The following DDAH1 variants were observed in gnomAD, a reference collection of about 807,000 sequenced individuals.
DDAH1 encodes the protein N(G),N(G)-dimethylarginine dimethylaminohydrolase 1.
Under a neutral mutation model 28.8 loss-of-function variants are expected in DDAH1, and 19 were observed. That is an observed-to-expected ratio of 0.66 (90% confidence interval 0.46 to 0.97). The LOEUF (loss-of-function observed/expected upper bound fraction) is 0.97. DDAH1 is among the 50% of genes least tolerant of loss of function. DDAH1 has a pLI of 0.00. For synonymous variants in DDAH1, 153 were observed against 154.4 expected (o/e 0.99, Z 0.07); for missense variants, 326 against 375.9 (o/e 0.87, Z 1.10).
intron 1 of DDAH1, 50 bp from the exon 2 acceptor site, chr1:85,358,897 GAA>G: frequency 7.2e-7 from 1 of 1,381,028 alleles, no homozygotes; most frequent in East Asian, 2.3e-5. Flanking sequence ...TTCCTAACAA[GAA>G]AAAAACATCC....
At chr1:85,377,448 G>A (rs1290063035) in intron 1 of DDAH1, among the ~76,000 whole-genome samples, 1 of 152,018 alleles carries the variant, frequency 6.6e-6, no homozygotes, top group Admixed American at 6.6e-5. Flanking sequence ...GGAGCCATCT[G>A]CCATCTAACC....
chr1:85,462,063 G>A (rs1412780998), intron 1 of DDAH1, among the ~76,000 whole-genome samples: 1 of 152,186 alleles, frequency 6.6e-6, no homozygotes, highest in Non-Finnish European at 1.5e-5. Flanking sequence ...TTAATGAAAT[G>A]CACATCATAA....
Position 85,443,776 on chromosome 1 carries a change from A to G in DDAH1, c.303+20967T>C, listed in dbSNP as rs546142881. Among the ~76,000 whole-genome samples, 325 of 152,262 alleles carry G rather than the reference A, an allele frequency of 2.1e-3. 1 individual carries two copies. The highest frequency in any genetic ancestry group is 7.6e-3 in the African/African-American group (316 of 41,540). ...TAGGTATTTTACTCTCTTTGAAGCA[A>G]TTGTGAAGGGGAGTTCACTCATTAT... is the stretch of plus-strand genomic sequence containing the variant. On this transcript the variant is annotated intron_variant, in intron 1 of 5. Coordinates refer to ENST00000284031, the MANE Select transcript of DDAH1 (RefSeq NM_012137.4).
intron 2 of DDAH1, among the ~76,000 whole-genome samples, chr1:85,486,282 A>T (rs1656202219): frequency 6.6e-6 from 1 of 152,202 alleles, no homozygotes; most frequent in African/African-American, 2.4e-5. Flanking sequence ...TAAACAGAGG[A>T]GATCTTCAAA....
chr1:85,368,585 GATACA>G (rs1241343219), intron 1 of DDAH1, among the ~76,000 whole-genome samples: 1 of 152,144 alleles, frequency 6.6e-6, no homozygotes, highest in Non-Finnish European at 1.5e-5. Flanking sequence ...TGACGATAAT[GATACA>G]ATACATGTAT....
intron 4 of DDAH1, among the ~76,000 whole-genome samples, chr1:85,339,733 C>T (rs1186723575): frequency 6.6e-6 from 1 of 152,184 alleles, no homozygotes; most frequent in Non-Finnish European, 1.5e-5. Flanking sequence ...ATGTTTCACC[C>T]TATGCTTTAT....
At chr1:85,359,906 C>A (rs1426208272) in intron 1 of DDAH1, among the ~76,000 whole-genome samples, 5 of 152,158 alleles carry the variant, frequency 3.3e-5, no homozygotes, top group Non-Finnish European at 5.9e-5. Flanking sequence ...AATTGAAGCT[C>A]ACAATTTAAT....
At chr1:85,420,883 T>C (rs1653111251) in intron 1 of DDAH1, among the ~76,000 whole-genome samples, 1 of 152,192 alleles carries the variant, frequency 6.6e-6, no homozygotes, top group East Asian at 1.9e-4. Flanking sequence ...ACTGGGTAAT[T>C]TATAAAGAAA....
At chr1:85,542,910 G>A (rs1234952021) in intron 1 of DDAH1, among the ~76,000 whole-genome samples, 3 of 152,126 alleles carry the variant, frequency 2.0e-5, no homozygotes, top group African/African-American at 7.2e-5. Flanking sequence ...TTTTTATAAT[G>A]ACGTGCAGAG....
intron 1 of DDAH1, among the ~76,000 whole-genome samples, chr1:85,400,214 G>A (rs1652019670): frequency 1.6e-5 from 1 of 60,770 alleles, no homozygotes; most frequent in African/African-American, 6.9e-5. Flanking sequence ...TTTTTGAGAC[G>A]GAGTCTCAAT....
chr1:85,411,693 G>T (rs1024274861), intron 1 of DDAH1, among the ~76,000 whole-genome samples: 2 of 152,238 alleles, frequency 1.3e-5, no homozygotes, highest in African/African-American at 4.8e-5. Context: ...CCTGATAGCT[G>T]CCATGATGGC....
chr1:85,480,808 A>G (rs1015405008), intron 2 of DDAH1, among the ~76,000 whole-genome samples: 2 of 151,900 alleles, frequency 1.3e-5, no homozygotes, highest in African/African-American at 2.4e-5. Flanking sequence ...AAACAATTGG[A>G]AAGCCCTATA....
intron 1 of DDAH1, among the ~76,000 whole-genome samples, chr1:85,511,907 T>C (rs1222778095): frequency 1.3e-5 from 2 of 152,208 alleles, no homozygotes; most frequent in African/African-American, 4.8e-5. Flanking sequence ...CACAGCCGAA[T>C]TCTACCAGAG....
intron 1 of DDAH1, among the ~76,000 whole-genome samples, chr1:85,551,804 A>G (rs1425553370): frequency 1.3e-5 from 2 of 152,166 alleles, no homozygotes; most frequent in East Asian, 3.9e-4. Context: ...GATGGCTAAG[A>G]AGGTAGAGAG....
intron 1 of DDAH1, among the ~76,000 whole-genome samples, chr1:85,563,188 T>C (rs986002914): frequency 6.6e-6 from 1 of 152,106 alleles, no homozygotes; most frequent in Non-Finnish European, 1.5e-5. Context: ...CTAGAGATAA[T>C]GGGCAGAGTG....
intron 2 of DDAH1, among the ~76,000 whole-genome samples, chr1:85,489,970 A>G (rs950011579): frequency 5.3e-5 from 8 of 152,214 alleles, no homozygotes; most frequent in African/African-American, 1.9e-4. Flanking sequence ...ATTCTACTTC[A>G]GAGTAACAGA....
At chr1:85,528,896 C>A (rs1287212799) in intron 1 of DDAH1, among the ~76,000 whole-genome samples, 1 of 150,808 alleles carries the variant, frequency 6.6e-6, no homozygotes, top group African/African-American at 2.4e-5. Flanking sequence ...ATCGCTTGAA[C>A]CCCGGAGAGG....
At chr1:85,487,523 T>C (rs1656243790) in intron 2 of DDAH1, among the ~76,000 whole-genome samples, 1 of 152,262 alleles carries the variant, frequency 6.6e-6, no homozygotes, top group African/African-American at 2.4e-5. Flanking sequence ...GTATTTTTCT[T>C]CTTTGAATAT....
intron 1 of DDAH1, among the ~76,000 whole-genome samples, chr1:85,563,977 T>C (rs1026341691): frequency 1.3e-5 from 2 of 152,038 alleles, no homozygotes; most frequent in Non-Finnish European, 2.9e-5. Flanking sequence ...ATCGAAACCA[T>C]CCTGGTCAAC....
Sources: allele counts gnomAD v4.1 joint callset (sites outside exome capture counted in the v4.1 genomes callset), GRCh38; gene constraint gnomAD v4.1.1; transcripts MANE v1.5; gene names NCBI Gene and HGNC (gene_info 2026-07-23, HGNC 2026-07-21).